Variants in DNAAF1 observed in about 807,000 individuals in gnomAD.
DNAAF1 encodes dynein axonemal assembly factor 1.
Under a neutral mutation model 71.1 loss-of-function variants are expected in DNAAF1, and 65 were observed. The ratio of observed to expected loss-of-function variants is 0.91; its 90% confidence interval spans 0.75 to 1.12. The LOEUF (loss-of-function observed/expected upper bound fraction) is 1.12. Ranked by LOEUF, DNAAF1 falls within the 50% of genes most tolerant of loss-of-function variation. The pLI is 0.00. For missense variants in DNAAF1, 1,178 were observed against 899.8 expected, an observed-to-expected ratio of 1.31 and a Z score of -3.96; for synonymous variants, 414 against 354.6, an observed-to-expected ratio of 1.17 and a Z score of -1.88.
intron 10 of DNAAF1, 98 bp from the exon 11 acceptor site, chr16:84,175,835 T>G (rs2088620154): frequency 2.7e-6 from 4 of 1,458,362 alleles, no homozygotes; most frequent in Non-Finnish European, 3.8e-6. Flanking sequence ...CAGAATACTT[T>G]GTGACATTGG....
chr16:84,156,147 G>C (rs1016459928), intron 5 of DNAAF1, among the ~76,000 whole-genome samples: 6 of 152,102 alleles, frequency 3.9e-5, no homozygotes, highest in African/African-American at 1.4e-4. Flanking sequence ...ATTCTTAGTA[G>C]ATTCAGGGTT....
chr16:84,164,512 C>G (rs527679042), intron 6 of DNAAF1, among the ~76,000 whole-genome samples: 236 of 152,292 alleles, frequency 1.5e-3, no homozygotes, highest in African/African-American at 5.4e-3. Flanking sequence ...AGCTGGAATC[C>G]TACAGCATAT....
intron 8 of DNAAF1, among the ~76,000 whole-genome samples, chr16:84,171,305 A>C (rs562280616): frequency 5.3e-5 from 8 of 152,126 alleles, no homozygotes; most frequent in Non-Finnish European, 7.4e-5. Flanking sequence ...AAAACAATAA[A>C]TTAGCTGGGC....
chr16:84,158,988 C>T (rs1361040396), intron 5 of DNAAF1: 1 of 978,008 alleles, frequency 1.0e-6, no homozygotes, highest in Non-Finnish European at 1.2e-6. Flanking sequence ...ACCTCAGCCT[C>T]CCAAAGTGCT....
rs1478869576 is a variant in DNAAF1 at position 84,177,038 on chromosome 16, G to GGAGCCCAGACCGTGCTA, written c.2066-690_2066-674dup. Reference sequence around the variant, plus strand: ...TGCACTCCCAAATTGGGGGCTGTGTGGAGCCCAGACCGTGCTACTCTCATC... The same window carrying GGAGCCCAGACCGTGCTA: ...TGCACTCCCAAATTGGGGGCTGTGTGGAGCCCAGACCGTGCTAGAGCCCAGACCGTGCTACTCTCATC... On this transcript the variant is annotated intron_variant, in intron 11 of 11. Coordinates refer to ENST00000378553, the MANE Select transcript of DNAAF1 (RefSeq NM_178452.6). The GGAGCCCAGACCGTGCTA allele has an allele frequency of 1.3e-4, 21 of 167,024 alleles. No individual in the cohort carries two copies. In the East Asian group the frequency reaches 3.0e-3, roughly 23 times the overall value. The allele number at this position is 167,024 out of a possible 1,614,324, so 10.3% of individuals were successfully genotyped here. A position where few individuals can be genotyped will look rare whatever the true frequency, so the allele number is the denominator to read the frequency against.
At chr16:84,173,220 T>C (rs1311916862) in intron 9 of DNAAF1, 9 of 975,470 alleles carry the variant, frequency 9.2e-6, no homozygotes, top group Admixed American at 6.1e-5. Context: ...TCCCAGCACT[T>C]TGGGAGGCCG....
chr16:84,154,550 A>G, intron 3 of DNAAF1, 27 bp from the exon 4 acceptor site: 2 of 1,608,042 alleles, frequency 1.2e-6, no homozygotes, highest in Non-Finnish European at 1.7e-6. Flanking sequence ...GTAGGAGCTT[A>G]ATTCCCACGT....
chr16:84,164,607 T>A (rs530117503), intron 6 of DNAAF1, among the ~76,000 whole-genome samples: 1 of 152,240 alleles, frequency 6.6e-6, no homozygotes, highest in Non-Finnish European at 1.5e-5. Context: ...TTGTTTCTTT[T>A]CATTGCTGAG....
intron 1 of DNAAF1, among the ~76,000 whole-genome samples, chr16:84,147,046 C>G (rs540643010): frequency 6.6e-6 from 1 of 152,288 alleles, no homozygotes; most frequent in African/African-American, 2.4e-5. Context: ...AGCTGGCCAG[C>G]TTTATGGCTG....
At chr16:84,148,503 A>G (rs2087020138) in intron 1 of DNAAF1, among the ~76,000 whole-genome samples, 1 of 151,428 alleles carries the variant, frequency 6.6e-6, no homozygotes, top group African/African-American at 2.4e-5. Context: ...AAGAGTTTTT[A>G]TAGAGGATCT....
rs1567529139 is a variant in DNAAF1, at chr16:84,145,406, A to T, written c.-35A>T. The T allele has an allele frequency of 1.3e-6, 2 of 1,569,968 alleles. No homozygotes were observed. Among genetic ancestry groups the T allele is most frequent in the South Asian group, 2.3e-5 (2 of 85,398 alleles). ...CGTCCGCCGCGAACCTGGGCCCCCC[A>T]AAGCTGCGGGGCGTTCGGTGTCGCC... On this transcript the variant is annotated 5_prime_UTR_variant, in exon 1 of 12. Transcript: ENST00000378553.
At chr16:84,164,706 G>C (rs2087880097) in intron 6 of DNAAF1, among the ~76,000 whole-genome samples, 1 of 152,170 alleles carries the variant, frequency 6.6e-6, no homozygotes, top group African/African-American at 2.4e-5. Flanking sequence ...TTGCCAATTA[G>C]AATAAAACTG....
chr16:84,165,493 A>T lies in DNAAF1; in HGVS notation c.864-290A>T, dbSNP rs11647209. Among the ~76,000 whole-genome samples, 46,520 of 151,836 alleles carry T rather than the reference A, an allele frequency of 0.31. 7,746 individuals are homozygous for T. Among genetic ancestry groups the T allele is most frequent in the Non-Finnish European group, 0.37 (25,199 of 67,936 alleles). On this transcript the variant is annotated intron_variant, in intron 6 of 11. Transcript: ENST00000378553. ...AGCCACTGTGCCCTGCTGGTTTTTT[A>T]AAATAATACTTTATTTATGGTATAC...
At chr16:84,172,973 G>A in intron 9 of DNAAF1, 1 of 998,408 alleles carries the variant, frequency 1.0e-6, no homozygotes. Flanking sequence ...CACAAGAATG[G>A]TACCATGGGA....
intron 8 of DNAAF1, 52 bp downstream of exon 8, chr16:84,170,408 C>T: frequency 6.2e-7 from 1 of 1,611,644 alleles, no homozygotes; most frequent in Non-Finnish European, 8.5e-7. Flanking sequence ...CAGGGAGCCC[C>T]AGCCTTCGAC....
intron 8 of DNAAF1, among the ~76,000 whole-genome samples, chr16:84,172,020 G>A (rs901488129): frequency 1.3e-5 from 2 of 152,054 alleles, no homozygotes; most frequent in Non-Finnish European, 2.9e-5. Flanking sequence ...TGAGACTACA[G>A]GTGCCCGCCA....
Position 84,172,340 on chromosome 16 carries a change from A to C in DNAAF1, c.1609A>C (p.Ile537Leu), listed in dbSNP as rs1176933189. The change falls in exon 9 of 12, where the codon ATT becomes CTT. Residue 537 changes from isoleucine (I) to leucine (L), a missense_variant. Physicochemically the swap from Ile to Leu is conservative, Grantham distance 5. Coordinates refer to ENST00000378553, the MANE Select transcript of DNAAF1 (RefSeq NM_178452.6). ...AACGAGAACGGAAGATTTAGAAACCATTAGACTGGAGACAAAGGAGACATT... is the reference window on the plus strand; with the variant it reads ...AACGAGAACGGAAGATTTAGAAACCCTTAGACTGGAGACAAAGGAGACATT... ...DGTRTEDLETIRLETKETFCI... is the reference protein window; with the variant it reads ...DGTRTEDLETLRLETKETFCI... 1 of 1,614,250 alleles carries C rather than the reference A, an allele frequency of 6.2e-7. No homozygotes were observed. The highest frequency in any genetic ancestry group is 8.5e-7 in the Non-Finnish European group (1 of 1,180,036).
chr16:84,156,792 T>A (rs1034771019), intron 5 of DNAAF1, among the ~76,000 whole-genome samples: 1 of 151,902 alleles, frequency 6.6e-6, no homozygotes, highest in African/African-American at 2.4e-5. Flanking sequence ...TGTTTGACCC[T>A]TTTATTTATC....
In DNAAF1 at chr16:84,176,166, A is replaced by T. The variant is rs1567570481; in HGVS notation, c.1932A>T (p.Arg644Ser). 2 of 1,613,938 alleles carry T rather than the reference A, an allele frequency of 1.2e-6. No homozygotes were observed. Among genetic ancestry groups the T allele is most frequent in the South Asian group, 2.2e-5 (2 of 91,082 alleles). The change falls in exon 11 of 12, where the codon AGA (arginine) becomes AGT (serine). Residue 644 changes from arginine (R) to serine (S), a missense_variant. Physicochemically the swap from Arg to Ser is moderately radical, Grantham distance 110 (BLOSUM62 -1). Coordinates refer to ENST00000378553, the MANE Select transcript of DNAAF1 (RefSeq NM_178452.6). ...GAAAACAAGACACCAAGTCCCCAAG[A>T]CCCCTGATCCAGGAGCTCAGCGACG... ...EIRKQDTKSP[R>S]PLIQELSDED... is the part of the protein sequence containing the mutation.
Sources: allele counts gnomAD v4.1 joint callset (sites outside exome capture counted in the v4.1 genomes callset), GRCh38; gene constraint gnomAD v4.1.1; transcripts MANE v1.5; gene names NCBI Gene and HGNC (gene_info 2026-07-23, HGNC 2026-07-21).